Variants in OCLN observed in about 807,000 individuals in gnomAD.
OCLN encodes phosphatase 1, regulatory subunit 115.
Under a neutral mutation model 47.9 loss-of-function variants are expected in OCLN, and 21 were observed. The observed-to-expected ratio is 0.44, with a 90% confidence interval of 0.31 to 0.63. The LOEUF is 0.63. OCLN is among the 30% of genes least tolerant of loss of function. OCLN has a pLI of 0.08. For synonymous variants in OCLN, 117 were observed against 198.4 expected, an observed-to-expected ratio of 0.59 and a Z score of 3.45; for missense variants, 360 against 571.0, an observed-to-expected ratio of 0.63 and a Z score of 3.77.
At chr5:69,530,867 A>G (rs982910202) in intron 4 of OCLN, 1 of 152,272 alleles carries the variant, frequency 6.6e-6, no homozygotes, top group Non-Finnish European at 1.5e-5. Context: ...ATACTTGGGT[A>G]TACAGTGTAG....
chr5:69,493,413 G>C lies in OCLN; in HGVS notation c.-69+513G>C, dbSNP rs1768199132. Among the ~76,000 whole-genome samples, 2 of 152,104 alleles carry C rather than the reference G, an allele frequency of 1.3e-5. No individual in the cohort carries two copies. Among genetic ancestry groups the C allele is most frequent in the East Asian group, 3.9e-4 (2 of 5,160 alleles). Reference sequence around the variant, plus strand: ...CTTCCGCTCCCACCCCACCCCTTTGGATATCCCGGGGAGACGGGGGCTGGA... The same window carrying C: ...CTTCCGCTCCCACCCCACCCCTTTGCATATCCCGGGGAGACGGGGGCTGGA... On this transcript the variant is annotated intron_variant, in intron 1 of 8. Coordinates refer to ENST00000396442, the MANE Select transcript of OCLN (RefSeq NM_001205254.2). This position sits in a 1 kb window ranked among gnomAD's most constrained non-coding sequence, Gnocchi z 5.3.
At chr5:69,503,303 G>A (rs1768511199) in intron 1 of OCLN, among the ~76,000 whole-genome samples, 1 of 152,134 alleles carries the variant, frequency 6.6e-6, no homozygotes, top group Non-Finnish European at 1.5e-5. Context: ...ATCACGAACT[G>A]GCTCCCTGTT....
At chr5:69,527,532 C>T (rs562826119) in intron 4 of OCLN, among the ~76,000 whole-genome samples, 4 of 152,084 alleles carry the variant, frequency 2.6e-5, no homozygotes, top group Admixed American at 1.3e-4. Flanking sequence ...AGTAGGCTTA[C>T]GCAATTGCTT....
chr5:69,503,055 G>C (rs1236158492), intron 1 of OCLN, among the ~76,000 whole-genome samples: 3 of 152,152 alleles, frequency 2.0e-5, no homozygotes, highest in African/African-American at 7.2e-5. Context: ...TCTGTAAAGT[G>C]ACTAATCAAC....
intron 7 of OCLN, among the ~76,000 whole-genome samples, chr5:69,549,340 CAAAAAAAAAAAAAA>C (rs1172698181): frequency 1.9e-5 from 1 of 51,532 alleles, no homozygotes; most frequent in African/African-American, 8.5e-5. Context: ...GACTCCATCT[CAAAAAAAAAAAAAA>C]AAAAAAAAAG....
intron 1 of OCLN, among the ~76,000 whole-genome samples, chr5:69,498,260 G>A (rs930859090): frequency 1.3e-5 from 2 of 152,224 alleles, no homozygotes; most frequent in Non-Finnish European, 2.9e-5. Flanking sequence ...TTGGGAGGCT[G>A]AGGTGGGTGG....
intron 7 of OCLN, among the ~76,000 whole-genome samples, chr5:69,549,373 T>C (rs1580596341): frequency 1.4e-5 from 2 of 143,304 alleles, no homozygotes; most frequent in Admixed American, 7.0e-5. Context: ...AGAACTTAAG[T>C]AACACAGAAC....
At chr5:69,521,352 T>A (rs1769133217) in intron 4 of OCLN, among the ~76,000 whole-genome samples, 1 of 152,244 alleles carries the variant, frequency 6.6e-6, no homozygotes, top group African/African-American at 2.4e-5. Context: ...ATTTTAATTG[T>A]GTTCAGTTGT....
intron 4 of OCLN, among the ~76,000 whole-genome samples, chr5:69,522,242 G>A (rs946048909): frequency 2.0e-5 from 3 of 152,088 alleles, no homozygotes; most frequent in Non-Finnish European, 4.4e-5. Flanking sequence ...ATACCCTCCT[G>A]TAGTTTCGTT....
At chr5:69,549,052 C>T (rs1230531132) in intron 7 of OCLN, among the ~76,000 whole-genome samples, 15 of 147,912 alleles carry the variant, frequency 1.0e-4, no homozygotes, top group East Asian at 2.0e-4. Context: ...CTTAAGCGGC[C>T]GGGCACGGTG....
intron 4 of OCLN, among the ~76,000 whole-genome samples, chr5:69,522,571 T>G (rs1769168139): frequency 6.6e-6 from 1 of 152,214 alleles, no homozygotes; most frequent in Admixed American, 6.5e-5. Flanking sequence ...TTTTGTGTTT[T>G]TGTTTTTGTT....
At chr5:69,527,728 C>T (rs954811576) in intron 4 of OCLN, among the ~76,000 whole-genome samples, 1 of 152,072 alleles carries the variant, frequency 6.6e-6, no homozygotes, top group Admixed American at 6.6e-5. Context: ...CTATTTCTAT[C>T]AGTCTTGATG....
intron 2 of OCLN, among the ~76,000 whole-genome samples, chr5:69,505,120 C>T (rs1768563123): frequency 6.6e-6 from 1 of 151,990 alleles, no homozygotes. Flanking sequence ...CATGGTGATG[C>T]ATGCCTATAA....
At chr5:69,502,003 G>C (rs967687758) in intron 1 of OCLN, among the ~76,000 whole-genome samples, 1 of 152,150 alleles carries the variant, frequency 6.6e-6, no homozygotes, top group African/African-American at 2.4e-5. Flanking sequence ...TTTGACACCA[G>C]ACTGTGCAAC....
Position 69,513,389 on chromosome 5 carries a change from T to C in OCLN, c.730-559T>C, listed in dbSNP as rs148849118. 8.9e-3 allele frequency among the ~76,000 whole-genome samples: 1,353 copies of C among 152,344 alleles called. 20 individuals are homozygous for C. The highest frequency in any genetic ancestry group is 0.03 in the African/African-American group (1,268 of 41,578). On this transcript the variant is annotated intron_variant, in intron 3 of 8. Transcript: ENST00000396442. ...CAATCATTAGTCAATTTGCTATTTA[T>C]AGCTTGATTAGATCCATGTCTTCAT...
chr5:69,511,387 T>C (rs987268199), intron 3 of OCLN, among the ~76,000 whole-genome samples: 2 of 151,980 alleles, frequency 1.3e-5, no homozygotes, highest in Non-Finnish European at 2.9e-5. Context: ...CGGCCTAGAC[T>C]TGCCCATGTT....
chr5:69,533,308 G>GA (rs1769500360), intron 4 of OCLN, among the ~76,000 whole-genome samples: 1 of 152,074 alleles, frequency 6.6e-6, no homozygotes, highest in Non-Finnish European at 1.5e-5. Flanking sequence ...AGCTGCCTGG[G>GA]ACATGCTTCC....
intron 2 of OCLN, among the ~76,000 whole-genome samples, chr5:69,505,623 A>C (rs537372036): frequency 6.6e-6 from 1 of 152,324 alleles, no homozygotes; most frequent in African/African-American, 2.4e-5. Flanking sequence ...ATGATCTAAA[A>C]CAAGCAGTGT....
rs140924340 is a variant in OCLN at position 69,514,097 on chromosome 5, T to C, written c.879T>C (p.Asn293=). 2.5e-6 allele frequency: 4 copies of C among 1,614,052 alleles called. No homozygotes were observed. The highest frequency in any genetic ancestry group is 3.4e-6 in the Non-Finnish European group (4 of 1,179,916). The change falls in exon 4 of 9, where the codon AAT becomes AAC. Residue 293 remains asparagine (N), a synonymous_variant. Coordinates refer to ENST00000396442, the MANE Select transcript of OCLN (RefSeq NM_001205254.2). ...ACATTTATGATGAGCAGCCCCCCAA[T>C]GTCGAGGAGTGGGTAAGTGTTAAAA... ...KEHIYDEQPP[N]VEEWVKNVSA... is the part of the protein sequence containing the mutation.
Sources: allele counts gnomAD v4.1 joint callset (sites outside exome capture counted in the v4.1 genomes callset), GRCh38; gene constraint gnomAD v4.1.1; non-coding constraint Gnocchi (gnomAD v3.1); transcripts MANE v1.5; gene names NCBI Gene and HGNC (gene_info 2026-07-23, HGNC 2026-07-21).